The following IL36B variants were observed in gnomAD, a reference collection of about 807,000 sequenced individuals.
IL36B encodes interleukin 36 beta, also known as interleukin-36 beta.
IL36B carries 23 observed loss-of-function variants against 19.3 expected under a neutral mutation model. That is an observed-to-expected ratio of 1.19 (90% CI 0.86 to 1.69). IL36B has a LOEUF of 1.69. Among genes scored for constraint, IL36B ranks in the 40% most tolerant of loss-of-function variants. The probability of loss-of-function intolerance (pLI) is 0.00; values close to 1 mark genes in which losing one functional copy is unlikely to be tolerated. For missense variants in IL36B, 217 were observed against 200.5 expected (o/e 1.08, Z -0.50); for synonymous variants, 59 against 59.7 (o/e 0.99, Z 0.05).
intron 4 of IL36B, chr2:113,027,862 T>C (rs769553717): frequency 6.2e-7 from 1 of 1,609,384 alleles, no homozygotes; most frequent in South Asian, 1.1e-5. Context: ...GACAGCTTGA[T>C]TCTCTATCCT....
intron 1 of IL36B, among the ~76,000 whole-genome samples, chr2:113,045,118 C>T (rs1472600787): frequency 6.6e-6 from 1 of 151,940 alleles, no homozygotes; most frequent in Non-Finnish European, 1.5e-5. Flanking sequence ...ATATAGTTAT[C>T]ATTTCTGGAG....
intron 1 of IL36B, among the ~76,000 whole-genome samples, chr2:113,047,408 A>ATTTCGGATTTTGAAAGG (rs1326575005): frequency 2.0e-5 from 3 of 151,760 alleles, no homozygotes; most frequent in African/African-American, 7.3e-5. Flanking sequence ...ATTTTGAAAG[A>ATTTCGGATTTTGAAAGG]TTTCAGATTT....
chr2:113,037,822 T>C (rs182766832), intron 1 of IL36B, among the ~76,000 whole-genome samples: 2 of 152,222 alleles, frequency 1.3e-5, no homozygotes, highest in East Asian at 1.9e-4. Flanking sequence ...AACCATCAGA[T>C]TCTATGCTGT....
At chr2:113,034,884 T>C (rs890109545) in intron 1 of IL36B, among the ~76,000 whole-genome samples, 1 of 152,216 alleles carries the variant, frequency 6.6e-6, no homozygotes, top group African/African-American at 2.4e-5. Flanking sequence ...CAGGCTCACC[T>C]TGGCTCCTTG....
chr2:113,037,363 A>G (rs151309311), intron 1 of IL36B, among the ~76,000 whole-genome samples: 149 of 152,314 alleles, frequency 9.8e-4, no homozygotes, highest in African/African-American at 3.1e-3. Context: ...AGAAAATCCA[A>G]TTGAGGCTGG....
intron 4 of IL36B, among the ~76,000 whole-genome samples, chr2:113,028,451 A>G (rs1393918338): frequency 1.3e-5 from 2 of 152,088 alleles, no homozygotes; most frequent in African/African-American, 4.8e-5. Context: ...TGCATTCTCA[A>G]CCTCCAAGTG....
intron 3 of IL36B, among the ~76,000 whole-genome samples, chr2:113,029,468 A>G (rs1030731166): frequency 6.6e-6 from 1 of 152,202 alleles, no homozygotes; most frequent in Non-Finnish European, 1.5e-5. Flanking sequence ...AGATGATGTT[A>G]TCTTAGAAAT....
intron 4 of IL36B, chr2:113,027,688 T>C: frequency 7.2e-7 from 1 of 1,389,628 alleles, no homozygotes; most frequent in Non-Finnish European, 9.3e-7. Context: ...TGGAAAGTGA[T>C]TTTTAGGTTT....
At position 113,026,102 on chromosome 2, in the gene IL36B, C is replaced by T; in HGVS notation, c.391+1G>A. 2.5e-6 allele frequency: 4 copies of T among 1,613,454 alleles called. No individual in the cohort carries two copies. The highest frequency in any genetic ancestry group is 3.4e-6 in the Non-Finnish European group (4 of 1,179,602). ...GATGGATAAGAGAATTTGCTCCTCACCCACTCCTATTCCCCATTGGTCAAG... is the reference window on the plus strand; with the variant it reads ...GATGGATAAGAGAATTTGCTCCTCATCCACTCCTATTCCCCATTGGTCAAG... On this transcript the variant is annotated splice_donor_variant, in intron 5 of 5. Transcript: ENST00000259213. LOFTEE classifies it high-confidence loss of function.
chr2:113,046,366 C>G (rs775934817), intron 1 of IL36B, among the ~76,000 whole-genome samples: 5 of 152,012 alleles, frequency 3.3e-5, no homozygotes, highest in East Asian at 1.9e-4. Context: ...CCCGCCACCA[C>G]GCTCAGCTAA....
chr2:113,032,439 A>G (rs1183209533), intron 1 of IL36B, among the ~76,000 whole-genome samples: 1 of 152,174 alleles, frequency 6.6e-6, no homozygotes, highest in African/African-American at 2.4e-5. Flanking sequence ...AATGAGAACC[A>G]GTTGTTCACA....
At chr2:113,048,075 T>C (rs921167805) in intron 1 of IL36B, among the ~76,000 whole-genome samples, 2 of 152,102 alleles carry the variant, frequency 1.3e-5, no homozygotes, top group Non-Finnish European at 2.9e-5. Flanking sequence ...TCAGATTGGA[T>C]AAAAATGCAA....
chr2:113,050,345 CAA>C (rs79717470), intron 1 of IL36B, among the ~76,000 whole-genome samples: 126 of 146,046 alleles, frequency 8.6e-4, no homozygotes, highest in South Asian at 5.9e-3. Flanking sequence ...AAACTAATAA[CAA>C]AAAAAAAAAA....
rs768011415 is a variant in IL36B, at chr2:113,026,186, A to G, written c.308T>C (p.Leu103Pro). ...GTTTATGCATGTGTGAATTCCAACTAGTTTCCAGCAAGTGTCCTTCCCTAT... is the reference window on the plus strand; with the variant it reads ...GTTTATGCATGTGTGAATTCCAACTGGTTTCCAGCAAGTGTCCTTCCCTAT... The change falls in exon 5 of 6, where the codon CTA becomes CCA. Residue 103 changes from leucine (L) to proline (P), a missense_variant. By Grantham distance (98) the Leu-to-Pro change is moderately conservative. Coordinates refer to ENST00000259213, the MANE Select transcript of IL36B (RefSeq NM_014438.5). The G allele has an allele frequency of 6.2e-7, 1 of 1,613,926 alleles. No individual in the cohort carries two copies. Among genetic ancestry groups the G allele is most frequent in the Non-Finnish European group, 8.5e-7 (1 of 1,179,838 alleles).
At chr2:113,026,933 G>C (rs1274397964) in intron 4 of IL36B, among the ~76,000 whole-genome samples, 1 of 152,126 alleles carries the variant, frequency 6.6e-6, no homozygotes, top group Non-Finnish European at 1.5e-5. Flanking sequence ...GAACAGCATG[G>C]GGGTAGCAGT....
At chr2:113,041,169 A>C (rs1266395856) in intron 1 of IL36B, among the ~76,000 whole-genome samples, 1 of 150,982 alleles carries the variant, frequency 6.6e-6, no homozygotes, top group African/African-American at 2.4e-5. Flanking sequence ...ACAAAAAAAA[A>C]GGAAGAAGAA....
At chr2:113,028,164 C>T in intron 4 of IL36B, 49 bp from the exon 5 acceptor site, 2 of 1,459,664 alleles carry the variant, frequency 1.4e-6, no homozygotes, top group Non-Finnish European at 1.9e-6. Flanking sequence ...GAGGAGGAAG[C>T]TAAAGTAACT....
At position 113,022,710 on chromosome 2, in the gene IL36B, G is replaced by A. The variant is rs1281409888; in HGVS notation, c.459C>T (p.Ser153=). The A allele has an allele frequency of 4.3e-6, 7 of 1,612,562 alleles. No individual in the cohort carries two copies. The highest frequency in any genetic ancestry group is 1.3e-5 in the African/African-American group (1 of 74,900). Reference sequence around the variant, plus strand: ...CTGGCATTCCTATGTTGGTCCGCATGGATGAGAAATCTTTGTCCTTCTTCC... The same window carrying A: ...CTGGCATTCCTATGTTGGTCCGCATAGATGAGAAATCTTTGTCCTTCTTCC... The change falls in exon 6 of 6, where the codon TCC becomes TCT. Residue 153 remains serine (S), a synonymous_variant. Coordinates refer to ENST00000259213, the MANE Select transcript of IL36B (RefSeq NM_014438.5).
At chr2:113,047,693 C>T (rs936418656) in intron 1 of IL36B, among the ~76,000 whole-genome samples, 3 of 152,078 alleles carry the variant, frequency 2.0e-5, no homozygotes, top group Non-Finnish European at 2.9e-5. Context: ...ATGTTTTTAT[C>T]CCCAGCCTTG....
Sources: gnomAD v4.1 joint callset for allele counts (sites outside exome capture counted in the v4.1 genomes callset) on GRCh38, gnomAD v4.1.1 for gene constraint, MANE v1.5 for transcripts, NCBI Gene and HGNC (gene_info 2026-07-23, HGNC 2026-07-21) for gene names.